Variants in SNTG2 observed in about 807,000 individuals in gnomAD.
SNTG2 encodes the protein gamma-2-syntrophin.
Under a neutral mutation model 70.9 loss-of-function variants are expected in SNTG2, and 74 were observed. The observed-to-expected ratio is 1.04, with a 90% CI of 0.86 to 1.27. SNTG2 has a LOEUF of 1.27. SNTG2 is among the 50% of genes most tolerant of loss of function. The probability of loss-of-function intolerance (pLI) is 0.00; values close to 1 mark genes in which losing one functional copy is unlikely to be tolerated. For synonymous variants in SNTG2, 278 were observed against 273.8 expected (o/e 1.02, Z -0.15); for missense variants, 717 against 690.7 (o/e 1.04, Z -0.43).
intron 13 of SNTG2, among the ~76,000 whole-genome samples, chr2:1,261,281 T>C (rs1678400910): frequency 6.6e-6 from 1 of 152,206 alleles, no homozygotes; most frequent in Non-Finnish European, 1.5e-5. Context: ...ATGCATTCAG[T>C]TCATTTTCAG....
At chr2:1,237,845 C>T in intron 9 of SNTG2, 43 bp from the exon 10 acceptor site, 1 of 1,563,694 alleles carries the variant, frequency 6.4e-7, no homozygotes, top group African/African-American at 1.4e-5. Context: ...CAGGCCCGCT[C>T]CCGTCGCTGC....
At chr2:1,203,052 A>G (rs192663496) in intron 8 of SNTG2, among the ~76,000 whole-genome samples, 9 of 152,316 alleles carry the variant, frequency 5.9e-5, no homozygotes, top group South Asian at 2.1e-4. Context: ...ACACTACCTT[A>G]TGAATCAACT....
intron 2 of SNTG2, among the ~76,000 whole-genome samples, chr2:1,092,354 AG>A (rs561138501): frequency 6.6e-6 from 1 of 152,058 alleles, no homozygotes; most frequent in Non-Finnish European, 1.5e-5. Flanking sequence ...TAAGACCTCC[AG>A]GGAAGGGAGG....
chr2:1,172,234 C>T (rs1472720225), intron 7 of SNTG2, among the ~76,000 whole-genome samples: 1 of 152,168 alleles, frequency 6.6e-6, no homozygotes, highest in East Asian at 1.9e-4. Context: ...AACAACAGGG[C>T]CTGCTCTCCA....
chr2:1,335,656 G>T (rs753218365), intron 16 of SNTG2, among the ~76,000 whole-genome samples: 2 of 151,996 alleles, frequency 1.3e-5, no homozygotes, highest in Non-Finnish European at 2.9e-5. Flanking sequence ...AAGTATCATT[G>T]CACTAAATCT....
rs1239194700 is a variant in SNTG2 at position 1,083,663 on chromosome 2, C to T, written c.210+8C>T. On this transcript the variant is annotated splice_region_variant and intron_variant, in intron 2 of 16. Transcript: ENST00000308624. The stretch of plus-strand genomic sequence containing the variant: ...AGCCACCAGGGCAGGAATGTAAGTG[C>T]CATCACTTCAGGGAAGTCTTGGAGT... 3 of 1,613,554 alleles carry T rather than the reference C, an allele frequency of 1.9e-6. No individual in the cohort carries two copies. In the African/African-American group the frequency reaches 4.0e-5, roughly 22 times the overall value.
intron 1 of SNTG2, among the ~76,000 whole-genome samples, chr2:1,037,433 G>T (rs1661192578): frequency 6.6e-6 from 1 of 152,162 alleles, no homozygotes; most frequent in South Asian, 2.1e-4. Flanking sequence ...ACAGAGTTGT[G>T]CAGCCTTTGG....
chr2:1,246,686 T>C (rs73175932), intron 11 of SNTG2, among the ~76,000 whole-genome samples: 206 of 152,306 alleles, frequency 1.4e-3, no homozygotes, highest in African/African-American at 4.7e-3. Flanking sequence ...CTACAAAATA[T>C]GTCACATTAA....
intron 8 of SNTG2, among the ~76,000 whole-genome samples, chr2:1,203,208 C>T (rs1050456833): frequency 3.3e-5 from 5 of 152,124 alleles, no homozygotes; most frequent in Admixed American, 2.0e-4. Flanking sequence ...ATACAAAACT[C>T]AAGTATCCTG....
chr2:958,215 C>A (rs1660236299), intron 1 of SNTG2, among the ~76,000 whole-genome samples: 1 of 152,136 alleles, frequency 6.6e-6, no homozygotes, highest in Non-Finnish European at 1.5e-5. Context: ...CGTGCAAAGG[C>A]TGAGAAATGG....
intron 1 of SNTG2, among the ~76,000 whole-genome samples, chr2:1,055,701 G>C (rs1275205068): frequency 6.6e-6 from 1 of 152,200 alleles, no homozygotes; most frequent in Admixed American, 6.5e-5. Context: ...AAGAAACCCG[G>C]AACAGTAATT....
In SNTG2 at chr2:996,673, G is replaced by GTTTTTTTTTTTTTTTTTTTTTT; in HGVS notation, c.72+45615_72+45636dup. On this transcript the variant is annotated intron_variant, in intron 1 of 16. Transcript: ENST00000308624. Reference sequence around the variant, plus strand: ...ATATTGCTTGTATTTGAGTTACCCAGTTTTTTTTTTTTTTTTTTTTTTTTT... The same window carrying GTTTTTTTTTTTTTTTTTTTTTT: ...ATATTGCTTGTATTTGAGTTACCCAGTTTTTTTTTTTTTTTTTTTTTTTTTTTTTTTTTTTTTTTTTTTTTTT... Among the ~76,000 whole-genome samples, 24 of 35,098 alleles carry GTTTTTTTTTTTTTTTTTTTTTT rather than the reference G, an allele frequency of 6.8e-4. 6 individuals are homozygous for GTTTTTTTTTTTTTTTTTTTTTT. The East Asian group carries it at 8.8e-3, about 13-fold the overall frequency. 23.0% of individuals were successfully genotyped at this position (35,098 alleles called of 152,430 possible). A position where few individuals can be genotyped will look rare whatever the true frequency, so the allele number is the denominator to read the frequency against.
At position 1,069,459 on chromosome 2, in the gene SNTG2, A is replaced by G. The variant is rs373222306; in HGVS notation, c.73-14059A>G. On this transcript the variant is annotated intron_variant, in intron 1 of 16. Transcript: ENST00000308624. ...TAAAGCAATGCACGTGGATTATGGA[A>G]CAGGGAAAGAAAATATCCACTGAGG... is the stretch of plus-strand genomic sequence containing the variant. Among the ~76,000 whole-genome samples the G allele has an allele frequency of 2.1e-4, 32 of 151,780 alleles. 1 individual carries two copies. Among genetic ancestry groups the G allele is most frequent in the African/African-American group, 7.5e-4 (31 of 41,418 alleles).
At chr2:1,164,197 A>G (rs972413658) in intron 6 of SNTG2, among the ~76,000 whole-genome samples, 1 of 151,954 alleles carries the variant, frequency 6.6e-6, no homozygotes, top group Non-Finnish European at 1.5e-5. Flanking sequence ...AATTGTGGGC[A>G]GTCTCTGTGT....
At chr2:985,614 A>G (rs1353344403) in intron 1 of SNTG2, among the ~76,000 whole-genome samples, 4 of 152,138 alleles carry the variant, frequency 2.6e-5, no homozygotes, top group African/African-American at 4.8e-5. Flanking sequence ...AGAGAGAAAC[A>G]GATGCTGGTA....
chr2:1,197,549 G>GTGTGTATA (rs1553353498), intron 8 of SNTG2, among the ~76,000 whole-genome samples: 11 of 138,626 alleles, frequency 7.9e-5, no homozygotes, highest in African/African-American at 3.0e-4. Flanking sequence ...GTGTGTGTGT[G>GTGTGTATA]TATATTTGAT....
chr2:1,152,659 G>A (rs1341912178), intron 6 of SNTG2, among the ~76,000 whole-genome samples: 1 of 152,188 alleles, frequency 6.6e-6, no homozygotes, highest in African/African-American at 2.4e-5. Flanking sequence ...TTGTAGTTCA[G>A]GACCTCAGTC....
At chr2:1,267,209 A>C (rs1228521109) in intron 13 of SNTG2, among the ~76,000 whole-genome samples, 156 bp from the exon 14 acceptor site, 1 of 152,258 alleles carries the variant, frequency 6.6e-6, no homozygotes, top group African/African-American at 2.4e-5. Flanking sequence ...CCAGCTGTGC[A>C]TGAGAGGGCT....
chr2:1,150,493 T>C (rs939933301), intron 6 of SNTG2, among the ~76,000 whole-genome samples: 1 of 152,042 alleles, frequency 6.6e-6, no homozygotes, highest in African/African-American at 2.4e-5. Flanking sequence ...GCCCAGAGGG[T>C]CTTCCCTGGG....
Sources: allele counts gnomAD v4.1 joint callset (sites outside exome capture counted in the v4.1 genomes callset), GRCh38; gene constraint gnomAD v4.1.1; transcripts MANE v1.5; gene names NCBI Gene and HGNC (gene_info 2026-07-23, HGNC 2026-07-21).